Variants in EXOC6B observed in about 807,000 individuals in gnomAD.
The protein encoded by EXOC6B is exocyst complex component 6B.
Under a neutral mutation model 113.5 loss-of-function variants are expected in EXOC6B, and 54 were observed. The observed-to-expected ratio is 0.48, with a 90% CI of 0.38 to 0.60. The LOEUF is 0.60. Ranked by LOEUF, EXOC6B falls within the 20% of genes least tolerant of loss-of-function variation. EXOC6B has a pLI of 0.00. For missense variants in EXOC6B, 797 were observed against 977.5 expected (o/e 0.82, Z 2.46); for synonymous variants, 357 against 339.0 (o/e 1.05, Z -0.58).
At chr2:72,579,828 AAAG>A (rs1041207489) in intron 6 of EXOC6B, among the ~76,000 whole-genome samples, 7 of 152,184 alleles carry the variant, frequency 4.6e-5, no homozygotes, top group Non-Finnish European at 7.3e-5. Flanking sequence ...AACTAGTTGA[AAAG>A]AAGATTTAGG....
chr2:72,416,126 T>G (rs1344729862), intron 18 of EXOC6B, among the ~76,000 whole-genome samples: 1 of 152,046 alleles, frequency 6.6e-6, no homozygotes, highest in Non-Finnish European at 1.5e-5. Context: ...GGCAGAAAAA[T>G]GTTTCTTAAG....
chr2:72,539,735 TGTGTGTGTGTGTGTGCGCGCGCGCGCGC>T (rs1702486317), intron 8 of EXOC6B, among the ~76,000 whole-genome samples: 2 of 6,198 alleles, frequency 3.2e-4, no homozygotes, highest in South Asian at 0.021. Flanking sequence ...GGGCTATGCG[TGTGTGTGTGTGTGTGCGCGCGCGCGCGC>T]GTGTGTGTAG....
rs1368798889 is a variant in EXOC6B at position 72,240,691 on chromosome 2, A to T, written c.2197-56504T>A. ...GATAAGGCACTTACCAGACCTCTTA[A>T]TAGGAGTGTTATATGCTACTATAAA... is the stretch of plus-strand genomic sequence containing the variant. On this transcript the variant is annotated intron_variant, in intron 20 of 21. Coordinates refer to ENST00000272427, the MANE Select transcript of EXOC6B (RefSeq NM_015189.3). Among the ~76,000 whole-genome samples the T allele has an allele frequency of 3.3e-5, 5 of 152,226 alleles. No homozygotes were observed. The East Asian group carries it at 9.6e-4, about 29-fold the overall frequency.
chr2:72,777,642 T>C (rs935855279), intron 1 of EXOC6B, among the ~76,000 whole-genome samples: 1 of 152,070 alleles, frequency 6.6e-6, no homozygotes, highest in Admixed American at 6.5e-5. Context: ...TAAAGAAAAC[T>C]GTTAAAGGAT....
intron 20 of EXOC6B, among the ~76,000 whole-genome samples, chr2:72,188,683 C>T (rs1678607792): frequency 6.6e-6 from 1 of 152,244 alleles, no homozygotes; most frequent in Admixed American, 6.5e-5. Context: ...TCTCCACATA[C>T]AACAACCTTG....
At chr2:72,354,586 G>A (rs1286298171) in intron 19 of EXOC6B, among the ~76,000 whole-genome samples, 1 of 152,174 alleles carries the variant, frequency 6.6e-6, no homozygotes. Context: ...GAGAAACAAT[G>A]ACTGCCTTAT....
chr2:72,249,630 T>C (rs966734632), intron 20 of EXOC6B, among the ~76,000 whole-genome samples: 8 of 152,196 alleles, frequency 5.3e-5, no homozygotes, highest in South Asian at 2.1e-4. Flanking sequence ...AAAAAAATTG[T>C]AAAATGTCTT....
intron 2 of EXOC6B, among the ~76,000 whole-genome samples, chr2:72,736,763 A>T (rs1680994345): frequency 6.6e-6 from 1 of 152,186 alleles, no homozygotes; most frequent in Admixed American, 6.5e-5. Context: ...ATAACCAGAG[A>T]CAAAACATTG....
At chr2:72,241,841 T>G (rs993128000) in intron 20 of EXOC6B, among the ~76,000 whole-genome samples, 1 of 152,142 alleles carries the variant, frequency 6.6e-6, no homozygotes, top group Non-Finnish European at 1.5e-5. Context: ...CTGGTAGACC[T>G]GCTCGCAAGA....
At chr2:72,452,526 G>A (rs1696979857) in intron 18 of EXOC6B, among the ~76,000 whole-genome samples, 1 of 152,122 alleles carries the variant, frequency 6.6e-6, no homozygotes, top group Admixed American at 6.6e-5. Flanking sequence ...AGGGTGAACA[G>A]TCATAAAAGA....
At chr2:72,639,752 C>A (rs1673096685) in intron 6 of EXOC6B, among the ~76,000 whole-genome samples, 1 of 152,150 alleles carries the variant, frequency 6.6e-6, no homozygotes, top group Non-Finnish European at 1.5e-5. Flanking sequence ...GAGTTGGGAG[C>A]TAAGTGTTGG....
intron 18 of EXOC6B, among the ~76,000 whole-genome samples, chr2:72,384,986 T>C (rs1691912979): frequency 6.6e-6 from 1 of 152,120 alleles, no homozygotes; most frequent in East Asian, 1.9e-4. Flanking sequence ...ACCAATGACT[T>C]TTTTCAAATA....
Position 72,287,726 on chromosome 2 carries a change from A to G in EXOC6B, c.2196+47221T>C, listed in dbSNP as rs553494887. Among the ~76,000 whole-genome samples the G allele has an allele frequency of 7.1e-4, 108 of 152,178 alleles. 1 individual carries two copies. The highest frequency in any genetic ancestry group is 1.4e-3 in the Admixed American group (21 of 15,296). ...AAACAGGAAAATTCCTAGAAAACAC[A>G]ATTTACCAAAACTGATATAAGAATA... On this transcript the variant is annotated intron_variant, in intron 20 of 21. Coordinates refer to ENST00000272427, the MANE Select transcript of EXOC6B (RefSeq NM_015189.3).
chr2:72,527,357 AGT>A (rs1701794482), intron 8 of EXOC6B, among the ~76,000 whole-genome samples: 1 of 151,924 alleles, frequency 6.6e-6, no homozygotes, highest in Non-Finnish European at 1.5e-5. Flanking sequence ...AGATTCATCC[AGT>A]TTGTTACATA....
chr2:72,419,574 A>G (rs1034998572), intron 18 of EXOC6B, among the ~76,000 whole-genome samples: 1 of 152,164 alleles, frequency 6.6e-6, no homozygotes, highest in African/African-American at 2.4e-5. Flanking sequence ...TTCCAGATAT[A>G]GAATTCTTGG....
At chr2:72,273,385 C>G (rs541006569) in intron 20 of EXOC6B, among the ~76,000 whole-genome samples, 1 of 152,002 alleles carries the variant, frequency 6.6e-6, no homozygotes, top group Non-Finnish European at 1.5e-5. Flanking sequence ...GATATAAAAA[C>G]GAGTAAGACA....
chr2:72,697,105 C>CAGATATAAATAT (rs1553468423), intron 6 of EXOC6B, among the ~76,000 whole-genome samples: 1 of 142,674 alleles, frequency 7.0e-6, no homozygotes, highest in Non-Finnish European at 1.5e-5. Context: ...TTTTTATATA[C>CAGATATAAATAT]AGATATAGAT....
chr2:72,452,715 G>A (rs1398775838), intron 18 of EXOC6B, among the ~76,000 whole-genome samples: 1 of 152,168 alleles, frequency 6.6e-6, no homozygotes, highest in Non-Finnish European at 1.5e-5. Context: ...TTATGTAAGG[G>A]AATTACAACA....
intron 6 of EXOC6B, among the ~76,000 whole-genome samples, chr2:72,617,429 C>G (rs2104145975): frequency 6.6e-6 from 1 of 152,204 alleles, no homozygotes; most frequent in South Asian, 2.1e-4. Flanking sequence ...GGACCCACCC[C>G]TGCAGCAAAC....
Sources: gnomAD v4.1 joint callset for allele counts (sites outside exome capture counted in the v4.1 genomes callset) on GRCh38, gnomAD v4.1.1 for gene constraint, MANE v1.5 for transcripts, NCBI Gene and HGNC (gene_info 2026-07-23, HGNC 2026-07-21) for gene names.